MPP7: variants seen among roughly 807,000 people sequenced by gnomAD.
MPP7 encodes MAGUK p55 subfamily member 7.
Under a neutral mutation model 76.5 loss-of-function variants are expected in MPP7, and 60 were observed. The ratio of observed to expected loss-of-function variants is 0.78; its 90% confidence interval spans 0.64 to 0.97. The LOEUF (loss-of-function observed/expected upper bound fraction) is 0.97. Among genes scored for constraint, MPP7 ranks in the 50% least tolerant of loss-of-function variants. MPP7 has a pLI of 0.00. For missense variants in MPP7, 641 were observed against 694.0 expected (o/e 0.92, Z 0.86); for synonymous variants, 237 against 244.5 (o/e 0.97, Z 0.29).
At chr10:28,131,477 T>C in intron 6 of MPP7, 83 bp downstream of exon 6, 1 of 1,157,060 alleles carries the variant, frequency 8.6e-7, no homozygotes, top group Non-Finnish European at 1.1e-6. Flanking sequence ...AGAGGAAGTA[T>C]ATTTTAAAGA....
chr10:28,124,186 C>T (rs545842958), intron 7 of MPP7, 70 bp from the exon 8 acceptor site: 1 of 1,016,262 alleles, frequency 9.8e-7, no homozygotes, highest in African/African-American at 1.6e-5. Flanking sequence ...CAGCTGTTTC[C>T]ATAAGTAAAG....
intron 1 of MPP7, among the ~76,000 whole-genome samples, chr10:28,271,113 G>T (rs978719372): frequency 6.6e-6 from 1 of 152,154 alleles, no homozygotes; most frequent in East Asian, 1.9e-4. Context: ...AATACAAGAG[G>T]TCCCAAATAT....
rs183564112 is a variant in MPP7, at chr10:28,087,121, A to T, written c.1123+2550T>A. The stretch of plus-strand genomic sequence containing the variant: ...ATGCCCTCCCTGGCGTGAGGCAGTG[A>T]GTGAGTTTTCACTCTATTTGTCCCC... On this transcript the variant is annotated intron_variant, in intron 12 of 16. Coordinates refer to ENST00000683449, the MANE Select transcript of MPP7 (RefSeq NM_001318170.2). Among the ~76,000 whole-genome samples the T allele has an allele frequency of 2.0e-5, 3 of 152,282 alleles. No individual in the cohort carries two copies. In the East Asian group the frequency reaches 5.8e-4, roughly 30 times the overall value.
intron 3 of MPP7, among the ~76,000 whole-genome samples, chr10:28,163,848 T>C (rs531220662): frequency 4.7e-4 from 68 of 146,234 alleles, no homozygotes; most frequent in African/African-American, 1.6e-3. Flanking sequence ...GAGGCGGAGA[T>C]CGCAGTGAGC....
chr10:28,065,927 G>C (rs1192570066), intron 13 of MPP7, among the ~76,000 whole-genome samples: 1 of 152,168 alleles, frequency 6.6e-6, no homozygotes, highest in Non-Finnish European at 1.5e-5. Flanking sequence ...AATATTTGAT[G>C]TCTACCATAA....
At position 28,124,642 on chromosome 10, in the gene MPP7, A is replaced by ATT. The variant is rs58093733; in HGVS notation, c.529+366_529+367dup. 8.6e-3 allele frequency among the ~76,000 whole-genome samples: 1,212 copies of ATT among 140,672 alleles called. 17 individuals carry two copies. Among genetic ancestry groups the ATT allele is most frequent in the African/African-American group, 0.03 (1,149 of 38,274 alleles). 92.3% of individuals were successfully genotyped at this position (140,672 alleles called of 152,430 possible). ...AGGTGCCCGCCACCACACTTGACTA[A>ATT]TTTTTTTTTTTTTTGTATTTTTAGT... is the stretch of plus-strand genomic sequence containing the variant. On this transcript the variant is annotated intron_variant, in intron 7 of 16. Transcript: ENST00000683449.
At chr10:28,203,496 TAAAA>T (rs72465209) in intron 2 of MPP7, among the ~76,000 whole-genome samples, 24,998 of 129,864 alleles carry the variant, frequency 0.19, 2,668 homozygotes, top group East Asian at 0.56. Context: ...AAACAGTCTT[TAAAA>T]AAAAAAAAAA....
chr10:28,229,935 A>G (rs1193827858), intron 2 of MPP7, among the ~76,000 whole-genome samples: 2 of 152,042 alleles, frequency 1.3e-5, no homozygotes, highest in African/African-American at 4.8e-5. Context: ...TGATATCTTC[A>G]AGGTCTGGGG....
rs1835168581 is a variant in MPP7, at chr10:28,130,823, A to G, written c.447+737T>C. Among the ~76,000 whole-genome samples the G allele has an allele frequency of 2.6e-5, 4 of 152,212 alleles. No homozygotes were observed. The South Asian group carries it at 8.3e-4, about 32-fold the overall frequency. ...ACAATAATCTTACTTTACCTTAACA[A>G]TAATTGCGAAGATAATACACTAATT... On this transcript the variant is annotated intron_variant, in intron 6 of 16. Coordinates refer to ENST00000683449, the MANE Select transcript of MPP7 (RefSeq NM_001318170.2).
At chr10:28,311,377 C>A (rs1446479672) in intron 2 of MPP7, among the ~76,000 whole-genome samples, 1 of 152,094 alleles carries the variant, frequency 6.6e-6, no homozygotes, top group Non-Finnish European at 1.5e-5. Context: ...TCATGAATAC[C>A]TCTATACCAA....
At chr10:28,165,658 T>C (rs1836426572) in intron 3 of MPP7, among the ~76,000 whole-genome samples, 1 of 152,116 alleles carries the variant, frequency 6.6e-6, no homozygotes, top group Non-Finnish European at 1.5e-5. Flanking sequence ...AACATGGGCA[T>C]GACATCTTCC....
chr10:28,193,843 G>GAGAT (rs1471004026), intron 3 of MPP7, among the ~76,000 whole-genome samples: 2 of 149,636 alleles, frequency 1.3e-5, no homozygotes, highest in Admixed American at 6.7e-5. Flanking sequence ...ACACAATAAT[G>GAGAT]AGATACTACT....
chr10:28,290,399 T>C (rs1474798350), intron 1 of MPP7, among the ~76,000 whole-genome samples: 1 of 151,958 alleles, frequency 6.6e-6, no homozygotes, highest in Non-Finnish European at 1.5e-5. Context: ...CTTCAATTTA[T>C]GGCCAGTCTT....
intron 13 of MPP7, 152 bp downstream of exon 13, chr10:28,069,620 A>AC: frequency 2.9e-6 from 1 of 347,042 alleles, no homozygotes. Context: ...CAAAACAAAC[A>AC]AAAAAAAAAC....
At chr10:28,095,014 A>AT (rs1195369344) in intron 11 of MPP7, among the ~76,000 whole-genome samples, 1 of 151,764 alleles carries the variant, frequency 6.6e-6, no homozygotes, top group Non-Finnish European at 1.5e-5. Context: ...TGTATTAACT[A>AT]TTTTTTCATT....
chr10:28,322,372 C>G (rs1267898921), intron 2 of MPP7, among the ~76,000 whole-genome samples: 1 of 151,648 alleles, frequency 6.6e-6, no homozygotes, highest in Non-Finnish European at 1.5e-5. Context: ...TCCTGCTTTT[C>G]TAAAAAAATA....
At chr10:28,327,393 T>A (rs1032979690) in intron 2 of MPP7, among the ~76,000 whole-genome samples, 17 of 151,994 alleles carry the variant, frequency 1.1e-4, no homozygotes, top group East Asian at 1.9e-4. Flanking sequence ...AAAAAAAAAA[T>A]TTATATTTCT....
At chr10:28,111,988 G>T (rs905836800) in intron 11 of MPP7, among the ~76,000 whole-genome samples, 11 of 152,134 alleles carry the variant, frequency 7.2e-5, no homozygotes, top group Admixed American at 2.6e-4. Context: ...CCAGGAAGGT[G>T]TATACCACTG....
At chr10:28,256,534 A>G (rs893371794) in intron 1 of MPP7, among the ~76,000 whole-genome samples, 1 of 152,124 alleles carries the variant, frequency 6.6e-6, no homozygotes, top group African/African-American at 2.4e-5. Flanking sequence ...ATGACCTAAA[A>G]TGTTCATCAA....
Sources: gnomAD v4.1 joint callset for allele counts (sites outside exome capture counted in the v4.1 genomes callset) on GRCh38, gnomAD v4.1.1 for gene constraint, MANE v1.5 for transcripts, NCBI Gene and HGNC (gene_info 2026-07-23, HGNC 2026-07-21) for gene names.